SVIL: variants seen among roughly 807,000 people sequenced by gnomAD.
SVIL encodes the protein archvillin.
A neutral mutation model predicts 240.4 loss-of-function variants in SVIL; 101 were observed. That is an observed-to-expected ratio of 0.42 (90% CI 0.36 to 0.50). The LOEUF (loss-of-function observed/expected upper bound fraction) is 0.50, where lower values mean the gene tolerates loss of function less well. SVIL is among the 20% of genes least tolerant of loss of function. The probability of loss-of-function intolerance (pLI) is 0.01; values close to 1 mark genes in which losing one functional copy is unlikely to be tolerated. For synonymous variants in SVIL, 999 were observed against 1,100.0 expected (o/e 0.91, Z 1.82); for missense variants, 2,512 against 2,818.7 (o/e 0.89, Z 2.46).
intron 3 of SVIL, among the ~76,000 whole-genome samples, chr10:29,652,140 A>T (rs148849220): frequency 1.6e-4 from 24 of 152,328 alleles, no homozygotes; most frequent in Admixed American, 4.6e-4. Context: ...GACCATTAGA[A>T]ACTCAATTCT....
intron 14 of SVIL, 43 bp from the exon 15 acceptor site, chr10:29,524,070 A>T (rs769917448): frequency 1.3e-6 from 2 of 1,525,336 alleles, no homozygotes; most frequent in Non-Finnish European, 1.8e-6. Flanking sequence ...CTTGAAAAAT[A>T]TCATCTATAT....
At chr10:29,497,240 A>G (rs956530994) in intron 18 of SVIL, among the ~76,000 whole-genome samples, 1 of 152,208 alleles carries the variant, frequency 6.6e-6, no homozygotes, top group African/African-American at 2.4e-5. Context: ...TACTCTTCAT[A>G]AAAGTGTGGA....
chr10:29,492,253 A>C (rs1948033791), intron 21 of SVIL, among the ~76,000 whole-genome samples: 1 of 152,054 alleles, frequency 6.6e-6, no homozygotes, highest in Non-Finnish European at 1.5e-5. Flanking sequence ...AGGGGGCTCA[A>C]GTTGAAGCCA....
In SVIL at chr10:29,533,409, G is replaced by A; in HGVS notation, c.958C>T (p.Pro320Ser). Residue 320 changes from proline to serine, a missense_variant, in exon 8 of 38, where the codon CCT (proline) becomes TCT (serine). Coordinates refer to ENST00000355867, the MANE Select transcript of SVIL (RefSeq NM_021738.3). The part of the protein sequence containing the change: ...LVKEESARNS[P>S]ELASESVTQR... ...GTTACGGACTCTGAGGCGAGTTCAGGGCTGTTTCGAGCACTTTCCTCTTTC... is the reference window on the plus strand; with the variant it reads ...GTTACGGACTCTGAGGCGAGTTCAGAGCTGTTTCGAGCACTTTCCTCTTTC... 6.2e-7 allele frequency: 1 copy of A among 1,614,052 alleles called. No homozygotes were observed. The highest frequency in any genetic ancestry group is 1.1e-5 in the South Asian group (1 of 91,062).
rs1964823556 is a variant in SVIL at position 29,735,139 on chromosome 10, C to T, written c.-400+612G>A. 1.3e-5 allele frequency among the ~76,000 whole-genome samples: 2 copies of T among 152,148 alleles called. No homozygotes were observed. Among genetic ancestry groups the T allele is most frequent in the Non-Finnish European group, 2.9e-5 (2 of 68,018 alleles). ...GCTGTCACCCGGGGACTAAACCACT[C>T]CCTTCGGGGAGCCCGCACGCGCGCA... On this transcript the variant is annotated intron_variant, in intron 1 of 35. Transcript: ENST00000375400. The surrounding 1 kb of genome is among the most constrained non-coding windows in gnomAD (Gnocchi z 4.1).
At chr10:29,511,940 C>A (rs890172095) in intron 17 of SVIL, among the ~76,000 whole-genome samples, 6 of 152,220 alleles carry the variant, frequency 3.9e-5, no homozygotes, top group Non-Finnish European at 7.3e-5. Flanking sequence ...TGGGGATCAT[C>A]GGGTTGAAAG....
chr10:29,527,509 C>T (rs1219407888), intron 12 of SVIL, among the ~76,000 whole-genome samples: 3 of 152,120 alleles, frequency 2.0e-5, no homozygotes, highest in African/African-American at 7.2e-5. Flanking sequence ...TCACTGCAAA[C>T]TCCGCCTCCC....
intron 2 of SVIL, among the ~76,000 whole-genome samples, chr10:29,666,852 G>C (rs961864192): frequency 6.6e-6 from 1 of 152,186 alleles, no homozygotes; most frequent in Admixed American, 6.5e-5. Flanking sequence ...TGGTTTGGCT[G>C]TGTCTCCACC....
At chr10:29,635,454 A>T (rs779995560), upstream of SVIL, among the ~76,000 whole-genome samples, 1 of 152,222 alleles carries the variant, frequency 6.6e-6, no homozygotes, top group African/African-American at 2.4e-5. Flanking sequence ...GTAGAAAATG[A>T]ATCATCAGAA....
intron 1 of SVIL, among the ~76,000 whole-genome samples, chr10:29,609,935 A>G (rs1957177169): frequency 6.6e-6 from 1 of 152,064 alleles, no homozygotes; most frequent in Non-Finnish European, 1.5e-5. Flanking sequence ...CATGAGCAAA[A>G]CTCAGGCAGA....
At chr10:29,587,119 C>T (rs565017254) in intron 1 of SVIL, among the ~76,000 whole-genome samples, 9 of 152,354 alleles carry the variant, frequency 5.9e-5, no homozygotes, top group East Asian at 1.9e-4. Flanking sequence ...ACACAAGCTA[C>T]GCAGTGAAGA....
At chr10:29,554,640 G>A (rs1953730953) in intron 5 of SVIL, 143 bp downstream of exon 5, 1 of 1,106,984 alleles carries the variant, frequency 9.0e-7, no homozygotes, top group African/African-American at 1.6e-5. Context: ...GTGTGACAGA[G>A]TGAAACCTTG....
chr10:29,612,711 C>A (rs1280271606), intron 1 of SVIL, among the ~76,000 whole-genome samples: 1 of 152,124 alleles, frequency 6.6e-6, no homozygotes, highest in Non-Finnish European at 1.5e-5. Context: ...AAAAACATAG[C>A]AAAGGAAAAA....
At chr10:29,597,845 C>T (rs938479624) in intron 1 of SVIL, among the ~76,000 whole-genome samples, 1 of 151,960 alleles carries the variant, frequency 6.6e-6, no homozygotes, top group South Asian at 2.1e-4. Flanking sequence ...GCCGGTAACT[C>T]AGGGTAACTC....
intron 12 of SVIL, among the ~76,000 whole-genome samples, chr10:29,529,175 CAAAAAAAA>C (rs66523560): frequency 4.1e-4 from 27 of 66,062 alleles, no homozygotes; most frequent in South Asian, 2.1e-3. Flanking sequence ...GACTCTCTCT[CAAAAAAAA>C]AAAAAAAAAA....
At chr10:29,691,510 C>A (rs186999747) in intron 1 of SVIL, among the ~76,000 whole-genome samples, 2 of 152,136 alleles carry the variant, frequency 1.3e-5, no homozygotes, top group South Asian at 4.1e-4. Context: ...CGCGCCCAGC[C>A]CCAATAATGA....
At chr10:29,706,670 T>C (rs1208070914) in intron 1 of SVIL, among the ~76,000 whole-genome samples, 1 of 152,018 alleles carries the variant, frequency 6.6e-6, no homozygotes, top group East Asian at 1.9e-4. Flanking sequence ...GATTGGTTTC[T>C]GTTGCAATTG....
At chr10:29,492,854 CA>C (rs1381546347) in intron 21 of SVIL, among the ~76,000 whole-genome samples, 6 of 152,174 alleles carry the variant, frequency 3.9e-5, no homozygotes, top group Non-Finnish European at 8.8e-5. Context: ...TTCAATATGT[CA>C]AATGAAAGAC....
At chr10:29,587,674 C>T (rs1390504276) in intron 1 of SVIL, among the ~76,000 whole-genome samples, 2 of 152,152 alleles carry the variant, frequency 1.3e-5, no homozygotes, top group Admixed American at 6.5e-5. Flanking sequence ...CTTCTCCCAA[C>T]CTCATCAGAG....
Sources: allele counts gnomAD v4.1 joint callset (sites outside exome capture counted in the v4.1 genomes callset), GRCh38; gene constraint gnomAD v4.1.1; non-coding constraint Gnocchi (gnomAD v3.1); transcripts MANE v1.5; gene names NCBI Gene and HGNC (gene_info 2026-07-23, HGNC 2026-07-21).